POC5: variants seen among roughly 807,000 people sequenced by gnomAD.
POC5 encodes POC5 centriolar protein, also known as centrosomal protein POC5.
In POC5, 48 loss-of-function variants were observed where a neutral mutation model predicts 62.9. The observed-to-expected ratio is 0.76, with a 90% confidence interval of 0.61 to 0.97. The LOEUF (loss-of-function observed/expected upper bound fraction) is 0.97, where lower values mean the gene tolerates loss of function less well. POC5 is among the 50% of genes least tolerant of loss of function. POC5 has a pLI of 0.00. For synonymous variants in POC5, 236 were observed against 228.2 expected (o/e 1.03, Z -0.31); for missense variants, 696 against 679.5 (o/e 1.02, Z -0.27).
At chr5:75,716,475 C>T (rs1742577864) in intron 1 of POC5, among the ~76,000 whole-genome samples, 1 of 150,060 alleles carries the variant, frequency 6.7e-6, no homozygotes, top group African/African-American at 2.5e-5. Context: ...ACTGCAGACA[C>T]AAAAAAACCC....
In POC5 at chr5:75,685,269, C is replaced by T; in HGVS notation, c.1345G>A (p.Val449Ile). Residue 449 changes from valine (V) to isoleucine (I), a missense_variant, in exon 10 of 12, where the codon GTT becomes ATT. Transcript: ENST00000428202. The part of the protein sequence containing the change: ...TSTRAASASS[V>I]HVPVSALGAG... ...CCAAGAGCAGAAACAGGAACGTGAA[C>T]AGAAGATGCGGAAGCAGCCCTGGTA... The T allele has an allele frequency of 6.2e-7, 1 of 1,614,048 alleles. No homozygotes were observed. The highest frequency in any genetic ancestry group is 2.2e-5 in the East Asian group (1 of 44,886).
At position 75,674,523 on chromosome 5, in the gene POC5, C is replaced by A; in HGVS notation, c.1640G>T (p.Ser547Ile). The change falls in exon 12 of 12, where the codon AGT becomes ATT. Residue 547 changes from serine to isoleucine, a missense_variant. Physicochemically the swap from Ser to Ile is moderately radical, Grantham distance 142. Transcript: ENST00000428202. ...AAGTGATCTGGAAGCTGAGGTACTA[C>A]TTTCAGGATGAATGGTCCGGGGATA... ...AKYPRTIHPE[S>I]STSASRSLGT... is the part of the protein sequence containing the mutation. 1.2e-6 allele frequency: 2 copies of A among 1,613,990 alleles called. No individual in the cohort carries two copies. The highest frequency in any genetic ancestry group is 1.7e-6 in the Non-Finnish European group (2 of 1,179,880).
intron 5 of POC5, among the ~76,000 whole-genome samples, chr5:75,701,456 AAAC>A (rs1776876225): frequency 7.2e-6 from 1 of 138,524 alleles, no homozygotes; most frequent in Admixed American, 7.3e-5. Context: ...CATTCTCAGT[AAAC>A]TATCGCAAGA....
At chr5:75,698,374 G>C (rs1415628998) in intron 5 of POC5, among the ~76,000 whole-genome samples, 12 of 151,920 alleles carry the variant, frequency 7.9e-5, no homozygotes, top group Non-Finnish European at 4.4e-5. Flanking sequence ...CTATCTCTCA[G>C]ACCACATGCA....
chr5:75,699,581 G>A (rs1302870086), intron 5 of POC5, among the ~76,000 whole-genome samples: 1 of 134,410 alleles, frequency 7.4e-6, no homozygotes, highest in East Asian at 2.1e-4. Flanking sequence ...AATAATAAGA[G>A]CTATCTATGA....
At chr5:75,715,851 AAAG>A (rs1338278871) in intron 1 of POC5, among the ~76,000 whole-genome samples, 2 of 152,182 alleles carry the variant, frequency 1.3e-5, no homozygotes, top group South Asian at 2.1e-4. Context: ...AACAGTCAGC[AAAG>A]AAGAGGAGTC....
chr5:75,674,642 C>G, intron 11 of POC5, 64 bp from the exon 12 acceptor site: 1 of 1,517,046 alleles, frequency 6.6e-7, no homozygotes, highest in Non-Finnish European at 9.0e-7. Flanking sequence ...ATCATTTCAT[C>G]ATCTATCATC....
chr5:75,717,103 G>A (rs1474476607), intron 1 of POC5, among the ~76,000 whole-genome samples: 1 of 152,322 alleles, frequency 6.6e-6, no homozygotes, highest in Middle Eastern at 3.4e-3. Flanking sequence ...TAATCGCTCA[G>A]CATCCCTCAC....
At chr5:75,681,418 A>G (rs1439242852) in intron 10 of POC5, among the ~76,000 whole-genome samples, 1 of 152,206 alleles carries the variant, frequency 6.6e-6, no homozygotes, top group East Asian at 1.9e-4. Context: ...AATTATTCCA[A>G]TTGAAGTTAG....
chr5:75,681,222 TG>T (rs1775855819), intron 10 of POC5, among the ~76,000 whole-genome samples: 1 of 152,176 alleles, frequency 6.6e-6, no homozygotes. Context: ...TTACTAATCG[TG>T]TCCTTAGGCA....
intron 6 of POC5, among the ~76,000 whole-genome samples, chr5:75,694,446 A>T (rs1392202664): frequency 6.6e-6 from 1 of 152,236 alleles, no homozygotes; most frequent in Non-Finnish European, 1.5e-5. Flanking sequence ...CACTCTTAAA[A>T]CATCAAGAAC....
At chr5:75,714,913 G>A (rs1021632276) in intron 1 of POC5, among the ~76,000 whole-genome samples, 1 of 152,056 alleles carries the variant, frequency 6.6e-6, no homozygotes, top group Non-Finnish European at 1.5e-5. Context: ...TGGCATAATG[G>A]GAACTGCTGA....
chr5:75,712,955 A>G lies in POC5; in HGVS notation c.-14-4T>C, dbSNP rs777206843. On this transcript the variant is annotated splice_region_variant and splice_polypyrimidine_tract_variant and intron_variant, in intron 1 of 11. Coordinates refer to ENST00000428202, the MANE Select transcript of POC5 (RefSeq NM_001099271.2). ...GATGACATTCTGCACAAATGCTCTA[A>G]AACAGTAGAAGCTAACTTTAGCTTT... is the stretch of plus-strand genomic sequence containing the variant. 9 of 1,588,004 alleles carry G rather than the reference A, an allele frequency of 5.7e-6. No individual in the cohort carries two copies. The Admixed American group carries it at 7.1e-5, about 13-fold the overall frequency.
chr5:75,693,096 A>G (rs973678207), intron 6 of POC5, among the ~76,000 whole-genome samples: 8 of 131,294 alleles, frequency 6.1e-5, no homozygotes, highest in African/African-American at 2.1e-4. Context: ...AACATATATA[A>G]CATATGTCAT....
At chr5:75,684,363 A>ATTT (rs749361349) in intron 10 of POC5, among the ~76,000 whole-genome samples, 4 of 132,706 alleles carry the variant, frequency 3.0e-5, no homozygotes, top group Non-Finnish European at 6.4e-5. Context: ...TTCCTACATA[A>ATTT]TTTTTTTTTT....
chr5:75,695,380 C>T (rs1257412333), intron 5 of POC5, among the ~76,000 whole-genome samples: 5 of 152,020 alleles, frequency 3.3e-5, no homozygotes, highest in African/African-American at 7.2e-5. Flanking sequence ...TAAAAAAAAA[C>T]TGGACAACAT....
At chr5:75,695,600 A>C (rs770884220) in intron 5 of POC5, among the ~76,000 whole-genome samples, 1 of 152,172 alleles carries the variant, frequency 6.6e-6, no homozygotes, top group Non-Finnish European at 1.5e-5. Flanking sequence ...TATGCAACTT[A>C]GTTTTCTCAA....
chr5:75,676,665 C>A (rs1396610670), intron 11 of POC5, among the ~76,000 whole-genome samples: 1 of 151,936 alleles, frequency 6.6e-6, no homozygotes, highest in Non-Finnish European at 1.5e-5. Flanking sequence ...TAAAATCAGT[C>A]CCTGAAATCA....
At chr5:75,702,548 G>T in intron 5 of POC5, 57 bp downstream of exon 5, 1 of 1,487,218 alleles carries the variant, frequency 6.7e-7, no homozygotes. Context: ...ATAAATGAGA[G>T]TAAAACTATT....
Sources: gnomAD v4.1 joint callset for allele counts (sites outside exome capture counted in the v4.1 genomes callset) on GRCh38, gnomAD v4.1.1 for gene constraint, MANE v1.5 for transcripts, NCBI Gene and HGNC (gene_info 2026-07-23, HGNC 2026-07-21) for gene names.